SGCD: variants seen among roughly 807,000 people sequenced by gnomAD.
SGCD encodes the protein sarcoglycan delta.
Under a neutral mutation model 36.6 loss-of-function variants are expected in SGCD, and 18 were observed. That is an observed-to-expected ratio of 0.49 (90% CI 0.34 to 0.73). SGCD has a LOEUF of 0.73. Ranked by LOEUF, SGCD falls within the 30% of genes least tolerant of loss-of-function variation. SGCD has a pLI of 0.01. For missense variants in SGCD, 387 were observed against 346.7 expected, an observed-to-expected ratio of 1.12 and a Z score of -0.92; for synonymous variants, 133 against 130.6, an observed-to-expected ratio of 1.02 and a Z score of -0.12.
At chr5:156,427,265 G>C (rs1414681587) in intron 3 of SGCD, among the ~76,000 whole-genome samples, 1 of 152,034 alleles carries the variant, frequency 6.6e-6, no homozygotes, top group Non-Finnish European at 1.5e-5. Context: ...TCACCTCATT[G>C]GTTAAGTATA....
the SGCD span, among the ~76,000 whole-genome samples, chr5:155,734,044 CTTTAT>C: frequency 3.4e-5 from 5 of 147,704 alleles, no homozygotes; most frequent in Non-Finnish European, 4.5e-5. Context: ...CAGATTCTCT[CTTTAT>C]TTTATTTTAT....
intron 1 of SGCD, among the ~76,000 whole-genome samples, chr5:155,966,484 G>C (rs1385856174): frequency 6.6e-6 from 1 of 152,158 alleles, no homozygotes; most frequent in Non-Finnish European, 1.5e-5. Flanking sequence ...CTAGGCAAAA[G>C]TCAAGTTGTT....
At chr5:156,043,571 GAAAGAA>G (rs1759688733) in intron 1 of SGCD, among the ~76,000 whole-genome samples, 2 of 152,124 alleles carry the variant, frequency 1.3e-5, no homozygotes, top group African/African-American at 4.8e-5. Context: ...TCTCAGCAGA[GAAAGAA>G]CAGTTTTACT....
intron 3 of SGCD, among the ~76,000 whole-genome samples, chr5:156,357,347 C>CA (rs1769544174): frequency 6.6e-6 from 1 of 152,140 alleles, no homozygotes; most frequent in African/African-American, 2.4e-5. Flanking sequence ...ATATATAAAC[C>CA]AAGATATGTC....
chr5:156,100,291 A>G (rs1761490393), intron 1 of SGCD, among the ~76,000 whole-genome samples: 1 of 150,838 alleles, frequency 6.6e-6, no homozygotes, highest in Non-Finnish European at 1.5e-5. Flanking sequence ...GCTTAAAACA[A>G]GCAAACAAAA....
At chr5:155,918,061 G>C (rs982621141) in intron 1 of SGCD, among the ~76,000 whole-genome samples, 1 of 152,096 alleles carries the variant, frequency 6.6e-6, no homozygotes, top group Non-Finnish European at 1.5e-5. Flanking sequence ...TTGCTGGATG[G>C]CCAAATATGA....
At chr5:155,737,732 G>A in the SGCD span, among the ~76,000 whole-genome samples, 4 of 152,178 alleles carry the variant, frequency 2.6e-5, no homozygotes, top group Non-Finnish European at 2.9e-5. Context: ...ACCCTTGACC[G>A]TGGCCTCTGG....
At chr5:156,549,273 A>T (rs926353476) in intron 4 of SGCD, among the ~76,000 whole-genome samples, 1 of 152,216 alleles carries the variant, frequency 6.6e-6, no homozygotes, top group Non-Finnish European at 1.5e-5. Context: ...AATAAGATGT[A>T]GAGTATTTCT....
At chr5:156,201,538 C>G (rs1416773230) in intron 3 of SGCD, among the ~76,000 whole-genome samples, 1 of 152,124 alleles carries the variant, frequency 6.6e-6, no homozygotes, top group East Asian at 1.9e-4. Context: ...CACGGTTTAA[C>G]AGAGAAACCA....
intron 3 of SGCD, among the ~76,000 whole-genome samples, chr5:156,237,023 T>C (rs919992222): frequency 2.0e-5 from 3 of 151,136 alleles, no homozygotes; most frequent in Non-Finnish European, 4.4e-5. Context: ...TTAATAGAGA[T>C]GGAGTTTCAC....
chr5:156,538,638 G>A (rs779616670), intron 4 of SGCD, among the ~76,000 whole-genome samples: 2 of 152,002 alleles, frequency 1.3e-5, no homozygotes, highest in Non-Finnish European at 2.9e-5. Flanking sequence ...TTAAAAAAAA[G>A]CCTCTCTGAG....
At chr5:156,536,944 A>G (rs1034232394) in intron 4 of SGCD, among the ~76,000 whole-genome samples, 2 of 152,074 alleles carry the variant, frequency 1.3e-5, no homozygotes, top group African/African-American at 4.8e-5. Context: ...CTACCAGGAT[A>G]GTAGTAATGG....
chr5:155,932,607 C>T (rs1459180505), intron 1 of SGCD, among the ~76,000 whole-genome samples: 1 of 152,158 alleles, frequency 6.6e-6, no homozygotes, highest in East Asian at 1.9e-4. Context: ...TCAGTCCATA[C>T]AGGTGTCTGA....
intron 6 of SGCD, among the ~76,000 whole-genome samples, chr5:156,609,944 G>C (rs932458144): frequency 1.3e-5 from 2 of 152,106 alleles, no homozygotes; most frequent in African/African-American, 2.4e-5. Context: ...TTAGCCATTT[G>C]TCTAATTTTT....
chr5:156,408,504 A>T (rs1026171515), intron 3 of SGCD, among the ~76,000 whole-genome samples: 2 of 151,990 alleles, frequency 1.3e-5, no homozygotes, highest in Non-Finnish European at 2.9e-5. Context: ...GATTACAGGC[A>T]TGTGCCAACA....
chr5:156,184,855 G>A (rs555460326), intron 3 of SGCD, among the ~76,000 whole-genome samples: 3 of 152,250 alleles, frequency 2.0e-5, no homozygotes, highest in African/African-American at 4.8e-5. Context: ...AAATAACCCA[G>A]TGCTGCCTGC....
At chr5:156,491,691 T>C (rs1755948260) in intron 3 of SGCD, among the ~76,000 whole-genome samples, 1 of 152,036 alleles carries the variant, frequency 6.6e-6, no homozygotes, top group African/African-American at 2.4e-5. Flanking sequence ...CAAACCTAAC[T>C]AGAAGCACCC....
chr5:156,517,076 A>G (rs1362885749), intron 4 of SGCD, among the ~76,000 whole-genome samples: 3 of 152,206 alleles, frequency 2.0e-5, no homozygotes, highest in African/African-American at 7.2e-5. Flanking sequence ...AACCCAGTGC[A>G]AGGAAGCTAA....
In SGCD at chr5:156,202,441, A is replaced by G. The variant is rs1764173234; in HGVS notation, c.-44+78422A>G. Among the ~76,000 whole-genome samples, 3 of 152,178 alleles carry G rather than the reference A, an allele frequency of 2.0e-5. No homozygotes were observed. In the South Asian group the frequency reaches 6.2e-4, roughly 32 times the overall value. ...CACTACGGCCTGTGAGATTATTGAA[A>G]GAGGTGTTAGGCTAATGATAAGCCT... On this transcript the variant is annotated intron_variant, in intron 3 of 9. Transcript: ENST00000517913.
Sources: gnomAD v4.1 joint callset for allele counts (sites outside exome capture counted in the v4.1 genomes callset) on GRCh38, gnomAD v4.1.1 for gene constraint, MANE v1.5 for transcripts, NCBI Gene and HGNC (gene_info 2026-07-23, HGNC 2026-07-21) for gene names.